The following DHX15 variants were observed in gnomAD, a reference collection of about 807,000 sequenced individuals.
DHX15 encodes the protein DEAH-box helicase 15.
In DHX15, 11 loss-of-function variants were observed where a neutral mutation model predicts 94.4. That is an observed-to-expected ratio of 0.12 (90% CI 0.07 to 0.19). DHX15 has a LOEUF of 0.19. DHX15 is among the 10% of genes least tolerant of loss of function. DHX15 has a pLI of 1.00. For synonymous variants in DHX15, 338 were observed against 329.9 expected (o/e 1.02, Z -0.27); for missense variants, 304 against 988.5 (o/e 0.31, Z 9.29).
In DHX15 at chr4:24,560,422, C is replaced by G. The variant is rs1048392629; in HGVS notation, c.702-4012G>C. Among the ~76,000 whole-genome samples the G allele has an allele frequency of 5.6e-5, 8 of 144,044 alleles. No homozygotes were observed. The Admixed American group carries it at 5.7e-4, about 10-fold the overall frequency. 94.5% of individuals were successfully genotyped at this position (144,044 alleles called of 152,430 possible). ...AAATACATGGATTAAATTATTTAAACCAACACTGGGCAGGGTATGATGCAA... is the reference window on the plus strand; with the variant it reads ...AAATACATGGATTAAATTATTTAAAGCAACACTGGGCAGGGTATGATGCAA... On this transcript the variant is annotated intron_variant, in intron 3 of 13. Transcript: ENST00000336812.
Position 24,554,950 on chromosome 4 carries a change from G to T in DHX15, c.862-7C>A, listed in dbSNP as rs769916814. ...TAGCGCTCATAACTATAACCTGAAA[G>T]AAAACAGTAAATTATTTGAAGCTGT... On this transcript the variant is annotated splice_polypyrimidine_tract_variant and splice_region_variant and intron_variant, in intron 4 of 13. Coordinates refer to ENST00000336812, the MANE Select transcript of DHX15 (RefSeq NM_001358.3). The T allele has an allele frequency of 4.1e-5, 66 of 1,605,642 alleles. No homozygotes were observed. Among genetic ancestry groups the T allele is most frequent in the Non-Finnish European group, 5.2e-5 (61 of 1,173,264 alleles).
chr4:24,543,201 G>A (rs1721353150), intron 6 of DHX15, among the ~76,000 whole-genome samples, 175 bp from the exon 7 acceptor site: 1 of 151,968 alleles, frequency 6.6e-6, no homozygotes, highest in Non-Finnish European at 1.5e-5. Context: ...AATATTTAAG[G>A]AACCAAAATT....
chr4:24,578,176 G>C (rs959448115), intron 1 of DHX15, among the ~76,000 whole-genome samples: 1 of 152,056 alleles, frequency 6.6e-6, no homozygotes, highest in Non-Finnish European at 1.5e-5. Context: ...AAAATCAATG[G>C]GAAAGAAAAG....
intron 3 of DHX15, among the ~76,000 whole-genome samples, chr4:24,569,624 CTTG>C (rs1444963565): frequency 1.4e-5 from 2 of 146,664 alleles, no homozygotes; most frequent in Non-Finnish European, 3.0e-5. Flanking sequence ...AAGAGAGACT[CTTG>C]TTTCATTTAT....
chr4:24,575,744 T>C (rs1256870574), intron 2 of DHX15, among the ~76,000 whole-genome samples: 5 of 152,300 alleles, frequency 3.3e-5, no homozygotes, highest in Non-Finnish European at 7.4e-5. Context: ...AGCCCATCCA[T>C]GTTTAAAAAA....
At chr4:24,557,543 C>T (rs1303006668) in intron 3 of DHX15, among the ~76,000 whole-genome samples, 1 of 152,128 alleles carries the variant, frequency 6.6e-6, no homozygotes, top group Non-Finnish European at 1.5e-5. Context: ...TTTATTTCAC[C>T]TAAACTTAAT....
chr4:24,559,841 C>A (rs1721825401), intron 3 of DHX15, among the ~76,000 whole-genome samples: 1 of 152,134 alleles, frequency 6.6e-6, no homozygotes, highest in South Asian at 2.1e-4. Flanking sequence ...TAGCAATCTG[C>A]TCTAACAAGT....
chr4:24,577,317 C>T (rs747138237), intron 1 of DHX15, among the ~76,000 whole-genome samples: 1 of 152,118 alleles, frequency 6.6e-6, no homozygotes, highest in Non-Finnish European at 1.5e-5. Flanking sequence ...AATACAAATA[C>T]GAATTACAGG....
chr4:24,542,553 T>TTTGAAAAC (rs1721334720), intron 7 of DHX15, among the ~76,000 whole-genome samples: 1 of 152,196 alleles, frequency 6.6e-6, no homozygotes. Context: ...AGTAACATAG[T>TTTGAAAAC]ACTGTTTTCA....
At chr4:24,550,094 CAAAAAAAAAAAAAAAAAAAAAA>C (rs58459661) in intron 5 of DHX15, among the ~76,000 whole-genome samples, 2 of 49,734 alleles carry the variant, frequency 4.0e-5, no homozygotes, top group African/African-American at 8.1e-5. Context: ...AACTCCGTCT[CAAAAAAAAAAAAAAAAAAAAAA>C]AAAAAAACGG....
chr4:24,547,909 A>ATCTATATATC (rs1447942034), intron 6 of DHX15, among the ~76,000 whole-genome samples: 31,570 of 83,254 alleles, frequency 0.38, 4,808 homozygotes, highest in East Asian at 0.57. Context: ...ATGTGTATAT[A>ATCTATATATC]TATATATATA....
At chr4:24,548,781 T>C in intron 6 of DHX15, 74 bp downstream of exon 6, 3 of 1,411,252 alleles carry the variant, frequency 2.1e-6, no homozygotes, top group Non-Finnish European at 2.9e-6. Flanking sequence ...ACTTAGTCCT[T>C]TATAACTGAA....
Position 24,576,351 on chromosome 4 carries a change from T to C in DHX15, c.399A>G (p.Lys133=). The change falls in exon 2 of 14, where the codon AAA becomes AAG. Residue 133 remains lysine, a synonymous_variant. Transcript: ENST00000336812. Reference sequence around the variant, plus strand: ...ATTCCCAAACAGGGAGCTGAAGACGTTTCTTTAGAATATCATAGTATCGAG... The same window carrying C: ...ATTCCCAAACAGGGAGCTGAAGACGCTTCTTTAGAATATCATAGTATCGAG... ...HTPRYYDILK[K]RLQLPVWEYK... is the part of the protein sequence containing the mutation. 1.2e-6 allele frequency: 2 copies of C among 1,614,182 alleles called. No individual in the cohort carries two copies. Among genetic ancestry groups the C allele is most frequent in the South Asian group, 2.2e-5 (2 of 91,088 alleles).
intron 12 of DHX15, chr4:24,530,048 G>A (rs1259131745): frequency 8.4e-6 from 4 of 478,370 alleles, no homozygotes; most frequent in South Asian, 5.0e-5. Flanking sequence ...CGTGAAGCAT[G>A]AGTAGCATGT....
intron 3 of DHX15, among the ~76,000 whole-genome samples, chr4:24,562,304 T>C (rs746692322): frequency 4.1e-4 from 63 of 152,134 alleles, no homozygotes; most frequent in Non-Finnish European, 8.4e-4. Context: ...TCTGAGTAAT[T>C]AGATTTACTG....
At chr4:24,559,506 G>A (rs937830857) in intron 3 of DHX15, among the ~76,000 whole-genome samples, 1 of 151,914 alleles carries the variant, frequency 6.6e-6, no homozygotes, top group Non-Finnish European at 1.5e-5. Context: ...AGGCACTGGA[G>A]ATAAAAACTA....
chr4:24,535,551 G>A (rs897631355), intron 11 of DHX15, among the ~76,000 whole-genome samples: 3 of 152,144 alleles, frequency 2.0e-5, no homozygotes, highest in Non-Finnish European at 2.9e-5. Flanking sequence ...ACCATGTGCT[G>A]GTCTTCAGCC....
intron 2 of DHX15, among the ~76,000 whole-genome samples, chr4:24,575,855 T>G (rs1722248110): frequency 6.6e-6 from 1 of 152,188 alleles, no homozygotes. Context: ...GACTTTATAT[T>G]ACTTTGGCAT....
chr4:24,540,715 C>G, intron 9 of DHX15, 125 bp downstream of exon 9: 1 of 541,524 alleles, frequency 1.8e-6, no homozygotes, highest in Non-Finnish European at 3.3e-6. Flanking sequence ...AAGACTTAAT[C>G]TTGATGCATA....
Sources: allele counts gnomAD v4.1 joint callset (sites outside exome capture counted in the v4.1 genomes callset), GRCh38; gene constraint gnomAD v4.1.1; transcripts MANE v1.5; gene names NCBI Gene and HGNC (gene_info 2026-07-23, HGNC 2026-07-21).